Variants in CXCL13 observed in about 807,000 individuals in gnomAD.
CXCL13 encodes C-X-C motif chemokine 13.
A neutral mutation model predicts 12.2 loss-of-function variants in CXCL13; 7 were observed. The ratio of observed to expected loss-of-function variants is 0.57; its 90% CI spans 0.33 to 1.07. The LOEUF (loss-of-function observed/expected upper bound fraction) is 1.07, where lower values mean the gene tolerates loss of function less well. CXCL13 is among the 50% of genes least tolerant of loss of function. The pLI, the probability that CXCL13 is intolerant of heterozygous loss-of-function variation, is 0.04. For missense variants in CXCL13, 113 were observed against 127.4 expected (o/e 0.89, Z 0.55); for synonymous variants, 47 against 42.4 (o/e 1.11, Z -0.42).
At chr4:77,512,229 C>T (rs1035935848) in intron 1 of CXCL13, among the ~76,000 whole-genome samples, 1 of 152,216 alleles carries the variant, frequency 6.6e-6, no homozygotes, top group African/African-American at 2.4e-5. Flanking sequence ...TCCTGACCAT[C>T]TCTCAGTTTA....
rs142777633 is a variant in CXCL13, at chr4:77,572,541, C to A, written c.-42-33283C>A. On this transcript the variant is annotated intron_variant, in intron 1 of 4. Transcript: ENST00000286758. ...GCAAATCAAAACCACAATGAGATAG[C>A]ATCTCACACCAGTCAGAATGGCTAT... Among the ~76,000 whole-genome samples the A allele has an allele frequency of 2.1e-4, 32 of 151,868 alleles. No individual in the cohort carries two copies. In the East Asian group the frequency reaches 5.0e-3, roughly 24 times the overall value.
chr4:77,537,746 C>T (rs957463722), intron 1 of CXCL13, among the ~76,000 whole-genome samples: 2 of 152,132 alleles, frequency 1.3e-5, no homozygotes, highest in African/African-American at 4.8e-5. Flanking sequence ...TTTTCCTTTG[C>T]ATAATGACTC....
intron 1 of CXCL13, among the ~76,000 whole-genome samples, chr4:77,577,890 G>A (rs944350911): frequency 8.6e-5 from 13 of 151,970 alleles, no homozygotes; most frequent in African/African-American, 3.1e-4. Flanking sequence ...TGAACCCCTG[G>A]GACTCCTTTG....
At chr4:77,516,597 A>T (rs1578031221) in intron 1 of CXCL13, among the ~76,000 whole-genome samples, 1 of 152,032 alleles carries the variant, frequency 6.6e-6, no homozygotes, top group South Asian at 2.1e-4. Flanking sequence ...ATTTGCATAG[A>T]GGTGTTTGTA....
At chr4:77,513,437 G>A (rs1724321568) in intron 1 of CXCL13, among the ~76,000 whole-genome samples, 2 of 151,510 alleles carry the variant, frequency 1.3e-5, no homozygotes, top group South Asian at 2.1e-4. Flanking sequence ...ATCCTCTCCA[G>A]CATCTGTTGT....
At chr4:77,596,879 C>T (rs1726778571) in intron 1 of CXCL13, among the ~76,000 whole-genome samples, 1 of 151,734 alleles carries the variant, frequency 6.6e-6, no homozygotes, top group African/African-American at 2.4e-5. Flanking sequence ...TGCAGCATTA[C>T]TCACGATAGC....
At chr4:77,599,176 C>T (rs1234804410) in intron 1 of CXCL13, among the ~76,000 whole-genome samples, 2 of 152,052 alleles carry the variant, frequency 1.3e-5, no homozygotes, top group Admixed American at 6.6e-5. Context: ...GGAAAAAAAA[C>T]ATTAACAATA....
At chr4:77,567,182 AC>A (rs1376613871) in intron 1 of CXCL13, among the ~76,000 whole-genome samples, 1 of 151,980 alleles carries the variant, frequency 6.6e-6, no homozygotes, top group Non-Finnish European at 1.5e-5. Context: ...TGTAAGATCC[AC>A]CCCCTGCCCA....
At chr4:77,521,782 A>C (rs887103454) in intron 1 of CXCL13, among the ~76,000 whole-genome samples, 1 of 151,220 alleles carries the variant, frequency 6.6e-6, no homozygotes, top group Non-Finnish European at 1.5e-5. Context: ...TTGCTTCTCT[A>C]GTTTTTTTAA....
intron 1 of CXCL13, among the ~76,000 whole-genome samples, chr4:77,552,620 A>G (rs1578050528): frequency 6.6e-6 from 1 of 152,204 alleles, no homozygotes; most frequent in South Asian, 2.1e-4. Flanking sequence ...GCAGGTCTGG[A>G]CCTACAGGTC....
intron 1 of CXCL13, among the ~76,000 whole-genome samples, chr4:77,554,616 T>C (rs1725616627): frequency 6.6e-6 from 1 of 152,124 alleles, no homozygotes; most frequent in South Asian, 2.1e-4. Context: ...ACAACATTTC[T>C]AGGATGCTCC....
intron 1 of CXCL13, among the ~76,000 whole-genome samples, chr4:77,586,983 C>T (rs1726488558): frequency 1.3e-5 from 2 of 152,184 alleles, no homozygotes; most frequent in Admixed American, 6.5e-5. Context: ...ACTCCGTCCT[C>T]TTCAGCAAGT....
At position 77,607,240 on chromosome 4, in the gene CXCL13, G is replaced by A. The variant is rs1727019396; in HGVS notation, c.65-463G>A. The stretch of plus-strand genomic sequence containing the variant: ...TGAGTTGTAAGTCCCTACAGAGGCT[G>A]TTCTCAAATTTTATTATGTGGACTA... On this transcript the variant is annotated intron_variant, in intron 1 of 3. Coordinates refer to ENST00000682537, the MANE Select transcript of CXCL13 (RefSeq NM_001371558.1). Among the ~76,000 whole-genome samples the A allele has an allele frequency of 2.6e-5, 4 of 152,218 alleles. No homozygotes were observed. In the South Asian group the frequency reaches 8.3e-4, roughly 32 times the overall value.
chr4:77,525,208 C>T (rs915631663), intron 1 of CXCL13, among the ~76,000 whole-genome samples: 13 of 152,294 alleles, frequency 8.5e-5, no homozygotes, highest in African/African-American at 1.4e-4. Context: ...GCTAAATTTC[C>T]GTTCATTAAA....
chr4:77,583,026 C>G (rs1412543999), intron 1 of CXCL13, among the ~76,000 whole-genome samples: 1 of 152,136 alleles, frequency 6.6e-6, no homozygotes, highest in Non-Finnish European at 1.5e-5. Context: ...GGGGTTGAAG[C>G]TTTTAATGTA....
intron 1 of CXCL13, among the ~76,000 whole-genome samples, chr4:77,518,866 C>G (rs1029897259): frequency 6.6e-6 from 1 of 152,222 alleles, no homozygotes; most frequent in Non-Finnish European, 1.5e-5. Flanking sequence ...AGGAGAGGTG[C>G]TCTGCTTTTT....
At chr4:77,515,019 A>C (rs893225803) in intron 1 of CXCL13, among the ~76,000 whole-genome samples, 12 of 152,074 alleles carry the variant, frequency 7.9e-5, no homozygotes, top group African/African-American at 2.9e-4. Flanking sequence ...TCAGCTTTCT[A>C]CATATGGCTA....
intron 1 of CXCL13, among the ~76,000 whole-genome samples, chr4:77,600,817 T>C (rs1245650578): frequency 1.3e-5 from 2 of 152,170 alleles, no homozygotes; most frequent in East Asian, 3.9e-4. Flanking sequence ...GGAGTTGGAT[T>C]TGGGCAAGAA....
chr4:77,528,745 G>A (rs1724834009), intron 1 of CXCL13, among the ~76,000 whole-genome samples: 1 of 152,140 alleles, frequency 6.6e-6, no homozygotes, highest in South Asian at 2.1e-4. Context: ...TCACTCTAAT[G>A]GTAGTTTCCT....
Sources: allele counts gnomAD v4.1 joint callset (sites outside exome capture counted in the v4.1 genomes callset), GRCh38; gene constraint gnomAD v4.1.1; transcripts MANE v1.5; gene names NCBI Gene and HGNC (gene_info 2026-07-23, HGNC 2026-07-21).